The following GABRA3 variants were observed in gnomAD, a reference collection of about 807,000 sequenced individuals.
GABRA3 encodes the protein gamma-aminobutyric acid type A receptor subunit alpha3.
In GABRA3, 10 loss-of-function variants were observed where a neutral mutation model predicts 30.1. That is an observed-to-expected ratio of 0.33 (90% CI 0.20 to 0.56). GABRA3 has a LOEUF of 0.56. GABRA3 is among the 20% of genes least tolerant of loss of function. The pLI, the probability that GABRA3 is intolerant of heterozygous loss-of-function variation, is 0.89. For synonymous variants in GABRA3, 151 were observed against 146.8 expected (o/e 1.03, Z -0.21); for missense variants, 233 against 392.0 (o/e 0.59, Z 3.42).
At chrX:152,211,602 G>A (rs1482208039) in intron 6 of GABRA3, among the ~76,000 whole-genome samples, 3 of 111,747 alleles carry the variant, frequency 2.7e-5, no homozygotes, top group African/African-American at 9.8e-5. Context: ...CTTGGAGCCT[G>A]ACCTGTACTG....
At chrX:152,248,292 C>T (rs987704129) in intron 5 of GABRA3, among the ~76,000 whole-genome samples, 3 of 111,018 alleles carry the variant, frequency 2.7e-5, no homozygotes, top group Admixed American at 9.6e-5. Context: ...CTTTTCCCAC[C>T]ATGTCCATGT....
intron 9 of GABRA3, among the ~76,000 whole-genome samples, chrX:152,172,699 A>G (rs1937018115): frequency 8.9e-6 from 1 of 112,155 alleles, no homozygotes; most frequent in African/African-American, 3.2e-5. Flanking sequence ...AGCCAGTCAC[A>G]AAAGGATAAC....
At chrX:152,199,099 AAGCC>A (rs773732809) in intron 7 of GABRA3, among the ~76,000 whole-genome samples, 73 of 111,573 alleles carry the variant, frequency 6.5e-4, no homozygotes, top group Middle Eastern at 4.6e-3. Flanking sequence ...GCGGTGGCTC[AAGCC>A]TGCCTGTAAT....
chrX:152,333,185 T>G (rs919725507), intron 3 of GABRA3, among the ~76,000 whole-genome samples: 6 of 111,469 alleles, frequency 5.4e-5, no homozygotes, highest in African/African-American at 2.0e-4. Context: ...ATTGAAAAAT[T>G]TTATATACAT....
At chrX:152,305,234 A>G (rs931951823) in intron 3 of GABRA3, among the ~76,000 whole-genome samples, 2 of 110,591 alleles carry the variant, frequency 1.8e-5, no homozygotes, top group African/African-American at 6.6e-5. Flanking sequence ...GATGGCACAA[A>G]GATGGAAACA....
At chrX:152,268,394 G>A (rs1938868147) in intron 4 of GABRA3, among the ~76,000 whole-genome samples, 1 of 111,776 alleles carries the variant, frequency 8.9e-6, no homozygotes, top group Non-Finnish European at 1.9e-5. Context: ...AAAGGGGAGT[G>A]CCCCTGCACA....
At chrX:152,430,341 G>C (rs1411579352) in intron 1 of GABRA3, among the ~76,000 whole-genome samples, 1 of 111,395 alleles carries the variant, frequency 9.0e-6, no homozygotes, top group Non-Finnish European at 1.9e-5. Flanking sequence ...AAGTACTGTG[G>C]GGTAACATAA....
intron 1 of GABRA3, among the ~76,000 whole-genome samples, chrX:152,422,524 T>C (rs1436723626): frequency 9.0e-6 from 1 of 111,029 alleles, no homozygotes; most frequent in Non-Finnish European, 1.9e-5. Context: ...ATTAGGATTT[T>C]GCATTTTTTC....
At position 152,364,616 on chromosome X, in the gene GABRA3, G is replaced by C; in HGVS notation, c.-26-20C>G. The C allele has an allele frequency of 1.8e-6, 2 of 1,107,233 alleles. No homozygotes were observed. The highest frequency in any genetic ancestry group is 1.2e-6 in the Non-Finnish European group (1 of 813,660). 91.2% of individuals were successfully genotyped at this position (1,107,233 alleles called of 1,213,427 possible). On this transcript the variant is annotated intron_variant, in intron 1 of 9. Coordinates refer to ENST00000370314, the MANE Select transcript of GABRA3 (RefSeq NM_000808.4). The stretch of plus-strand genomic sequence containing the variant: ...AGAGACCTGTGAGATTCACAGTTTA[G>C]ATAAGGGATAAGAGGTAGAGAGTAG...
chrX:152,438,274 T>C (rs774729403), intron 1 of GABRA3, among the ~76,000 whole-genome samples: 1 of 111,723 alleles, frequency 9.0e-6, no homozygotes, highest in African/African-American at 3.3e-5. Context: ...TACACACCTA[T>C]TAGAATGTCC....
chrX:152,358,550 A>T (rs1485265796), intron 2 of GABRA3, among the ~76,000 whole-genome samples: 5 of 111,121 alleles, frequency 4.5e-5, no homozygotes, highest in African/African-American at 1.3e-4. Flanking sequence ...CTCTTGCCTG[A>T]TTGCTCTGGC....
Position 152,194,488 on chromosome X carries a change from T to A in GABRA3, c.931+3145A>T, listed in dbSNP as rs185287214. Among the ~76,000 whole-genome samples the A allele has an allele frequency of 2.3e-4, 26 of 111,954 alleles. No individual in the cohort carries two copies. In the East Asian group the frequency reaches 7.3e-3, roughly 31 times the overall value. Reference sequence around the variant, plus strand: ...CAGGATATGGTTTGCCATTTCATTATCTTAATGTTATCCTTTGATGAGCAG... The same window carrying A: ...CAGGATATGGTTTGCCATTTCATTAACTTAATGTTATCCTTTGATGAGCAG... On this transcript the variant is annotated intron_variant, in intron 8 of 9. Transcript: ENST00000370314.
rs180816401 is a variant in GABRA3, at chrX:152,339,121, A to C, written c.262+6460T>G. On this transcript the variant is annotated intron_variant, in intron 3 of 9. Coordinates refer to ENST00000370314, the MANE Select transcript of GABRA3 (RefSeq NM_000808.4). ...ATTGAGTCTGTAAATTGCTTTGGGT[A>C]GTATTGTCATTTTAACAATATTAAT... Among the ~76,000 whole-genome samples the C allele has an allele frequency of 2.7e-5, 3 of 111,445 alleles. No homozygotes were observed. The Admixed American group carries it at 2.9e-4, about 11-fold the overall frequency.
intron 1 of GABRA3, among the ~76,000 whole-genome samples, chrX:152,406,696 T>C (rs182747738): frequency 0.015 from 1,597 of 108,962 alleles, 17 homozygotes; most frequent in African/African-American, 0.05. Flanking sequence ...GAACAGATCG[T>C]CCAGACAGAA....
intron 1 of GABRA3, among the ~76,000 whole-genome samples, chrX:152,407,661 A>C (rs952792145): frequency 8.9e-6 from 1 of 111,814 alleles, no homozygotes; most frequent in Non-Finnish European, 1.9e-5. Flanking sequence ...AAGAAGAACT[A>C]ACATCAATTC....
chrX:152,267,823 C>G (rs992207913), intron 4 of GABRA3, among the ~76,000 whole-genome samples: 3 of 110,620 alleles, frequency 2.7e-5, no homozygotes, highest in Non-Finnish European at 5.7e-5. Context: ...TGGAATTATT[C>G]TTTTTATTTC....
At chrX:152,206,625 G>A (rs1338162124) in intron 7 of GABRA3, among the ~76,000 whole-genome samples, 3 of 111,454 alleles carry the variant, frequency 2.7e-5, no homozygotes, top group Non-Finnish European at 5.7e-5. Context: ...CCCTGGCCAC[G>A]CAGTGGCCCA....
intron 5 of GABRA3, among the ~76,000 whole-genome samples, chrX:152,251,466 T>C (rs1200257712): frequency 9.1e-6 from 1 of 110,262 alleles, no homozygotes; most frequent in African/African-American, 3.3e-5. Flanking sequence ...CCTTTTATTG[T>C]TGTTTCTCCT....
chrX:152,244,686 G>GT (rs1222369059), intron 5 of GABRA3, among the ~76,000 whole-genome samples: 2 of 111,758 alleles, frequency 1.8e-5, no homozygotes, highest in Non-Finnish European at 3.8e-5. Context: ...CTTCTGGAAA[G>GT]TGAGGTTCTG....
Sources: allele counts gnomAD v4.1 joint callset (sites outside exome capture counted in the v4.1 genomes callset), GRCh38; gene constraint gnomAD v4.1.1; transcripts MANE v1.5; gene names NCBI Gene and HGNC (gene_info 2026-07-23, HGNC 2026-07-21).